EPHA6: variants seen among roughly 807,000 people sequenced by gnomAD.
EPHA6 encodes ephrin type-A receptor 6.
A neutral mutation model predicts 112.0 loss-of-function variants in EPHA6; 50 were observed. That is an observed-to-expected ratio of 0.45 (90% CI 0.36 to 0.56). The LOEUF is 0.56. EPHA6 is among the 20% of genes least tolerant of loss of function. The pLI is 0.00. For missense variants in EPHA6, 1,280 were observed against 1,417.4 expected, an observed-to-expected ratio of 0.90 and a Z score of 1.56; for synonymous variants, 529 against 490.7, an observed-to-expected ratio of 1.08 and a Z score of -1.03.
At chr3:97,265,045 T>G (rs577452026) in intron 5 of EPHA6, among the ~76,000 whole-genome samples, 11 of 152,280 alleles carry the variant, frequency 7.2e-5, no homozygotes, top group African/African-American at 2.6e-4. Flanking sequence ...TGTTAAGCTA[T>G]CAGCAGAGAG....
rs183380579 is a variant in EPHA6 at position 97,708,544 on chromosome 3, T to A, written c.2785-11717T>A. ...CCTGACCTTTTGGTAGAAAAGAAAA[T>A]CCCATTTTGGGGGAAGAAATTCAAG... On this transcript the variant is annotated intron_variant, in intron 14 of 17. Coordinates refer to ENST00000389672, the MANE Select transcript of EPHA6 (RefSeq NM_001080448.3). 5.9e-5 allele frequency among the ~76,000 whole-genome samples: 9 copies of A among 152,276 alleles called. No homozygotes were observed. The East Asian group carries it at 1.7e-3, about 29-fold the overall frequency.
chr3:97,727,152 G>T (rs2107816982), intron 15 of EPHA6, among the ~76,000 whole-genome samples: 1 of 152,048 alleles, frequency 6.6e-6, no homozygotes, highest in South Asian at 2.1e-4. Flanking sequence ...TTCATTTGAG[G>T]TTTACTAGAA....
intron 2 of EPHA6, among the ~76,000 whole-genome samples, chr3:96,962,343 A>G (rs73131565): frequency 4.5e-4 from 69 of 151,920 alleles, no homozygotes; most frequent in Non-Finnish European, 8.7e-4. Flanking sequence ...GAAATGTAAC[A>G]TGATAAGAAT....
At chr3:97,612,778 G>A (rs1286520974) in intron 13 of EPHA6, among the ~76,000 whole-genome samples, 1 of 151,900 alleles carries the variant, frequency 6.6e-6, no homozygotes, top group East Asian at 2.0e-4. Context: ...CTGTACCTCT[G>A]TTTACTCATC....
At chr3:97,402,976 A>C (rs2087090490) in intron 5 of EPHA6, among the ~76,000 whole-genome samples, 1 of 152,078 alleles carries the variant, frequency 6.6e-6, no homozygotes. Context: ...TCTAATTCTC[A>C]CCTGTGATTG....
intron 3 of EPHA6, among the ~76,000 whole-genome samples, chr3:97,001,621 A>G (rs1310549849): frequency 6.6e-6 from 1 of 152,026 alleles, no homozygotes; most frequent in East Asian, 1.9e-4. Flanking sequence ...TGAAATTACT[A>G]CAAACTATTT....
At chr3:97,266,312 T>C (rs1159320191) in intron 5 of EPHA6, among the ~76,000 whole-genome samples, 67 of 152,180 alleles carry the variant, frequency 4.4e-4, no homozygotes, top group Admixed American at 4.4e-3. Flanking sequence ...TTCTCCCAAC[T>C]AGCAGGGGAA....
At chr3:97,073,226 A>G (rs1178689243) in intron 3 of EPHA6, among the ~76,000 whole-genome samples, 1 of 152,266 alleles carries the variant, frequency 6.6e-6, no homozygotes, top group East Asian at 1.9e-4. Flanking sequence ...AGGACAAGGA[A>G]TCCATGGGAT....
chr3:97,137,700 T>A (rs1429893718), intron 3 of EPHA6, among the ~76,000 whole-genome samples: 2 of 152,188 alleles, frequency 1.3e-5, no homozygotes, highest in East Asian at 3.9e-4. Context: ...ATTTGCCAAA[T>A]GTGAATAGAG....
chr3:96,994,759 A>AGAGAGAGAGAGAGAGC (rs763682996), intron 3 of EPHA6, among the ~76,000 whole-genome samples: 3,211 of 115,498 alleles, frequency 0.028, 135 homozygotes, highest in Non-Finnish European at 0.035. Context: ...AGAGAGAGAG[A>AGAGAGAGAGAGAGAGC]GAGCTATATA....
chr3:96,967,181 TAC>T (rs144463079), intron 2 of EPHA6, among the ~76,000 whole-genome samples: 27,287 of 145,772 alleles, frequency 0.19, 3,211 homozygotes, highest in African/African-American at 0.31. Context: ...ATGCTATGAA[TAC>T]ACACACACAC....
intron 3 of EPHA6, among the ~76,000 whole-genome samples, chr3:97,068,785 G>T (rs1304772127): frequency 2.0e-5 from 3 of 152,008 alleles, no homozygotes; most frequent in Non-Finnish European, 4.4e-5. Flanking sequence ...ATAAAAGAGT[G>T]AGAGGCCCCA....
At chr3:97,343,706 T>G (rs2083415669) in intron 5 of EPHA6, among the ~76,000 whole-genome samples, 1 of 152,078 alleles carries the variant, frequency 6.6e-6, no homozygotes, top group Non-Finnish European at 1.5e-5. Flanking sequence ...GAAGGAAAAC[T>G]GTAAATGTAT....
chr3:97,672,603 T>C (rs936926863), intron 14 of EPHA6, among the ~76,000 whole-genome samples: 21 of 151,970 alleles, frequency 1.4e-4, no homozygotes, highest in African/African-American at 4.8e-4. Flanking sequence ...ATTTCTACCC[T>C]ACTCTTCTTT....
Position 96,814,677 on chromosome 3 carries a change from G to A in EPHA6, c.54G>A (p.Ala18=), listed in dbSNP as rs763530153. ...GGAGCTCCCCGGCGCCGCAGGCAGC[G>A]TCCTCCTCCGAAGCAGCTGCACCTG... ...AARSSPAPQA[A]SSSEAAAPAT... The change falls in exon 1 of 18, where the codon GCG becomes GCA. Residue 18 remains alanine, a synonymous_variant. Transcript: ENST00000389672. 5 of 1,486,688 alleles carry A rather than the reference G, an allele frequency of 3.4e-6. No homozygotes were observed. Among genetic ancestry groups the A allele is most frequent in the Admixed American group, 2.3e-5 (1 of 43,472 alleles). 92.1% of individuals were successfully genotyped at this position (1,486,688 alleles called of 1,614,324 possible). A position where few individuals can be genotyped will look rare whatever the true frequency, so the allele number is the denominator to read the frequency against.
At chr3:97,725,551 C>G (rs1438485832) in intron 15 of EPHA6, among the ~76,000 whole-genome samples, 1 of 152,104 alleles carries the variant, frequency 6.6e-6, no homozygotes, top group Non-Finnish European at 1.5e-5. Context: ...TATCAAATAA[C>G]AGCAAAATAT....
At chr3:97,317,928 C>T (rs1394979959) in intron 5 of EPHA6, among the ~76,000 whole-genome samples, 2 of 151,952 alleles carry the variant, frequency 1.3e-5, no homozygotes, top group African/African-American at 4.8e-5. Context: ...TAGAGGATTA[C>T]ATTTGCTTTG....
intron 10 of EPHA6, among the ~76,000 whole-genome samples, chr3:97,485,764 A>T (rs1418734821): frequency 6.6e-6 from 1 of 152,202 alleles, no homozygotes; most frequent in Non-Finnish European, 1.5e-5. Flanking sequence ...CAGCAAAGGG[A>T]TAGAGAAGAG....
intron 1 of EPHA6, among the ~76,000 whole-genome samples, chr3:96,822,170 AAAAT>A (rs1223609055): frequency 2.0e-5 from 3 of 151,992 alleles, no homozygotes; most frequent in African/African-American, 7.2e-5. Flanking sequence ...ATATGTACAA[AAAAT>A]AAATATTTCA....
Sources: gnomAD v4.1 joint callset for allele counts (sites outside exome capture counted in the v4.1 genomes callset) on GRCh38, gnomAD v4.1.1 for gene constraint, MANE v1.5 for transcripts, NCBI Gene and HGNC (gene_info 2026-07-23, HGNC 2026-07-21) for gene names.